The following FNDC3B variants were observed in gnomAD, a reference collection of about 807,000 sequenced individuals.
FNDC3B encodes the protein fibronectin type III domain-containing protein 3B.
A neutral mutation model predicts 151.5 loss-of-function variants in FNDC3B; 12 were observed. That is an observed-to-expected ratio of 0.08 (90% CI 0.05 to 0.13). The LOEUF is 0.13. Ranked by LOEUF, FNDC3B falls within the 10% of genes least tolerant of loss-of-function variation. FNDC3B has a pLI of 1.00. For synonymous variants in FNDC3B, 528 were observed against 549.0 expected (o/e 0.96, Z 0.54); for missense variants, 1,214 against 1,505.3 (o/e 0.81, Z 3.20).
At chr3:172,150,080 G>C (rs899657039) in intron 3 of FNDC3B, among the ~76,000 whole-genome samples, 30 of 152,060 alleles carry the variant, frequency 2.0e-4, no homozygotes, top group African/African-American at 6.5e-4. Flanking sequence ...GCCTCCAAAA[G>C]TGCTGGGATT....
intron 3 of FNDC3B, among the ~76,000 whole-genome samples, chr3:172,203,349 A>C (rs1403645270): frequency 1.3e-5 from 2 of 152,240 alleles, no homozygotes; most frequent in African/African-American, 4.8e-5. Context: ...GTCAGATAGC[A>C]AATTCATGCC....
chr3:172,239,003 C>T (rs1001937040), intron 4 of FNDC3B, among the ~76,000 whole-genome samples: 24 of 152,144 alleles, frequency 1.6e-4, no homozygotes, highest in African/African-American at 5.5e-4. Context: ...TTAATAATGA[C>T]GTGCTAATAT....
intron 11 of FNDC3B, among the ~76,000 whole-genome samples, chr3:172,317,987 G>A (rs1207641940): frequency 6.6e-6 from 1 of 152,166 alleles, no homozygotes. Context: ...TTGTGACCCA[G>A]CTAGCCCAAA....
chr3:172,209,122 CG>C (rs1725588077), intron 3 of FNDC3B, among the ~76,000 whole-genome samples: 1 of 88,296 alleles, frequency 1.1e-5, no homozygotes, highest in African/African-American at 4.4e-5. Context: ...GCGCAGTGAG[CG>C]GGGGTGGGGG....
intron 9 of FNDC3B, among the ~76,000 whole-genome samples, chr3:172,306,043 A>G (rs994745685): frequency 1.3e-5 from 2 of 152,120 alleles, no homozygotes; most frequent in Non-Finnish European, 2.9e-5. Context: ...ATATGTATGT[A>G]TTTTTATCTT....
intron 3 of FNDC3B, among the ~76,000 whole-genome samples, chr3:172,169,406 C>T (rs1361825453): frequency 6.6e-6 from 1 of 152,194 alleles, no homozygotes; most frequent in Non-Finnish European, 1.5e-5. Context: ...ACAGTGTAGT[C>T]AGTAACAAGA....
chr3:172,069,678 G>A (rs926050072), intron 1 of FNDC3B, among the ~76,000 whole-genome samples: 1 of 152,154 alleles, frequency 6.6e-6, no homozygotes, highest in Non-Finnish European at 1.5e-5. Context: ...CTCTGGCCAG[G>A]TGGCTCTTGT....
chr3:172,229,533 A>C (rs1726780770), intron 4 of FNDC3B, among the ~76,000 whole-genome samples: 1 of 152,062 alleles, frequency 6.6e-6, no homozygotes, highest in African/African-American at 2.4e-5. Flanking sequence ...CCCTTTTAGA[A>C]CCTTCATCAC....
At chr3:172,341,412 A>G (rs1460935336) in intron 17 of FNDC3B, among the ~76,000 whole-genome samples, 181 bp downstream of exon 17, 2 of 152,226 alleles carry the variant, frequency 1.3e-5, no homozygotes, top group African/African-American at 4.8e-5. Flanking sequence ...AGATAGGCCT[A>G]AATGATTCCC....
chr3:172,308,330 GA>G (rs1173976968), intron 10 of FNDC3B, among the ~76,000 whole-genome samples: 1 of 152,176 alleles, frequency 6.6e-6, no homozygotes, highest in African/African-American at 2.4e-5. Context: ...GTGTTTGTGA[GA>G]AAACAGTAGA....
At chr3:172,157,670 T>C (rs1021024343) in intron 3 of FNDC3B, among the ~76,000 whole-genome samples, 2 of 152,238 alleles carry the variant, frequency 1.3e-5, no homozygotes, top group African/African-American at 4.8e-5. Context: ...AGATTGGCTG[T>C]TTTCTCAGCC....
At position 172,344,177 on chromosome 3, in the gene FNDC3B, C is replaced by G; in HGVS notation, c.2169C>G (p.Gly723=). ...ACGTAGCCTCGGAAGTGTACCATGGCCCAGAGCTGGAGTGCACCGTCGGCA... is the reference window on the plus strand; with the variant it reads ...ACGTAGCCTCGGAAGTGTACCATGGGCCAGAGCTGGAGTGCACCGTCGGCA... ...PEDVASEVYH[G]PELECTVGNL... Residue 723 remains glycine (G), a synonymous_variant, in exon 19 of 26, where the codon GGC becomes GGG. Coordinates refer to ENST00000415807, the MANE Select transcript of FNDC3B (RefSeq NM_022763.4). 6.2e-7 allele frequency: 1 copy of G among 1,614,124 alleles called. No individual in the cohort carries two copies. The highest frequency in any genetic ancestry group is 8.5e-7 in the Non-Finnish European group (1 of 1,179,992).
chr3:172,047,884 G>A (rs1716439753), intron 1 of FNDC3B, among the ~76,000 whole-genome samples: 1 of 152,110 alleles, frequency 6.6e-6, no homozygotes, highest in Admixed American at 6.5e-5. Flanking sequence ...TGGCAGATTG[G>A]GGACAGCAGG....
At chr3:172,071,145 A>G (rs1301822986) in intron 1 of FNDC3B, among the ~76,000 whole-genome samples, 1 of 152,204 alleles carries the variant, frequency 6.6e-6, no homozygotes, top group Non-Finnish European at 1.5e-5. Flanking sequence ...AAAAAATAAG[A>G]CACTTCATAA....
chr3:172,247,508 T>C, intron 4 of FNDC3B, 25 bp from the exon 5 acceptor site: 1 of 1,610,800 alleles, frequency 6.2e-7, no homozygotes, highest in Non-Finnish European at 8.5e-7. Context: ...TGTACTGCGT[T>C]CTTTCCTTTT....
At chr3:172,203,627 G>A (rs1013637473) in intron 3 of FNDC3B, among the ~76,000 whole-genome samples, 1 of 152,178 alleles carries the variant, frequency 6.6e-6, no homozygotes, top group Non-Finnish European at 1.5e-5. Context: ...TTCTTTGAAA[G>A]ATTATGCTTG....
chr3:172,311,403 C>T (rs918524442), intron 11 of FNDC3B, among the ~76,000 whole-genome samples: 1 of 152,072 alleles, frequency 6.6e-6, no homozygotes, highest in Non-Finnish European at 1.5e-5. Context: ...CGGATGCCCC[C>T]CTTGCTGTTC....
intron 4 of FNDC3B, among the ~76,000 whole-genome samples, chr3:172,244,568 A>G (rs1367490661): frequency 6.6e-6 from 1 of 151,242 alleles, no homozygotes; most frequent in Non-Finnish European, 1.5e-5. Flanking sequence ...AATGGTAAAA[A>G]TATTCACATA....
intron 22 of FNDC3B, among the ~76,000 whole-genome samples, chr3:172,361,476 C>A (rs1255913729): frequency 5.3e-5 from 8 of 152,204 alleles, no homozygotes; most frequent in Admixed American, 4.6e-4. Context: ...TTCCACAAAG[C>A]CCTAGGACAT....
Sources: gnomAD v4.1 joint callset for allele counts (sites outside exome capture counted in the v4.1 genomes callset) on GRCh38, gnomAD v4.1.1 for gene constraint, MANE v1.5 for transcripts, NCBI Gene and HGNC (gene_info 2026-07-23, HGNC 2026-07-21) for gene names.